Variants in LRFN2 observed in about 807,000 individuals in gnomAD.
The protein encoded by LRFN2 is leucine-rich repeat and fibronectin type-III domain-containing protein 2.
LRFN2 carries 18 observed loss-of-function variants against 37.3 expected under a neutral mutation model. The observed-to-expected ratio is 0.48, with a 90% confidence interval of 0.33 to 0.72. LRFN2 has a LOEUF of 0.72. LRFN2 is among the 30% of genes least tolerant of loss of function. The pLI, the probability that LRFN2 is intolerant of heterozygous loss-of-function variation, is 0.02. For synonymous variants in LRFN2, 556 were observed against 466.6 expected, an observed-to-expected ratio of 1.19 and a Z score of -2.47; for missense variants, 1,006 against 1,060.7, an observed-to-expected ratio of 0.95 and a Z score of 0.72.
intron 1 of LRFN2, among the ~76,000 whole-genome samples, chr6:40,508,694 A>T (rs1331583152): frequency 6.6e-6 from 1 of 152,224 alleles, no homozygotes; most frequent in Non-Finnish European, 1.5e-5. Flanking sequence ...AAAAGACTTA[A>T]TACATGTAAG....
intron 1 of LRFN2, among the ~76,000 whole-genome samples, chr6:40,474,046 T>C (rs1262301477): frequency 6.7e-6 from 1 of 149,406 alleles, no homozygotes; most frequent in Non-Finnish European, 1.5e-5. Flanking sequence ...TTAGGGTCGT[T>C]GTTTTTTTAG....
intron 1 of LRFN2, among the ~76,000 whole-genome samples, chr6:40,463,964 C>A (rs577126547): frequency 6.6e-6 from 1 of 152,312 alleles, no homozygotes; most frequent in Admixed American, 6.5e-5. Flanking sequence ...CTCCTTTCCA[C>A]CTTGAACAAT....
At chr6:40,576,794 G>A (rs1053037924) in intron 1 of LRFN2, among the ~76,000 whole-genome samples, 34 of 152,080 alleles carry the variant, frequency 2.2e-4, no homozygotes, top group Non-Finnish European at 3.7e-4. Flanking sequence ...CAGTGGCTGG[G>A]AGGCCTGGGC....
chr6:40,551,779 C>T (rs1021371691), intron 1 of LRFN2, among the ~76,000 whole-genome samples: 3 of 152,182 alleles, frequency 2.0e-5, no homozygotes, highest in South Asian at 2.1e-4. Flanking sequence ...GAAGAATTCA[C>T]TGAACATTCT....
intron 2 of LRFN2, among the ~76,000 whole-genome samples, chr6:40,424,706 T>C (rs1763309168): frequency 6.6e-6 from 1 of 152,184 alleles, no homozygotes; most frequent in Non-Finnish European, 1.5e-5. Flanking sequence ...TTCCTCTGCC[T>C]GTGGGGACTC....
intron 2 of LRFN2, among the ~76,000 whole-genome samples, chr6:40,426,455 A>G (rs1763355440): frequency 6.6e-6 from 1 of 152,208 alleles, no homozygotes; most frequent in African/African-American, 2.4e-5. Context: ...ACTTTGGACC[A>G]GGACTTACCA....
chr6:40,489,457 G>A (rs1356296311), intron 1 of LRFN2, among the ~76,000 whole-genome samples: 1 of 152,286 alleles, frequency 6.6e-6, no homozygotes, highest in East Asian at 1.9e-4. Flanking sequence ...CGGTCTCCAG[G>A]CTCTCCTCAA....
intron 1 of LRFN2, among the ~76,000 whole-genome samples, chr6:40,480,091 C>A (rs1470216328): frequency 3.9e-5 from 6 of 152,150 alleles, no homozygotes; most frequent in Admixed American, 3.9e-4. Flanking sequence ...GTATACCAGG[C>A]TTTCTTCTAA....
At chr6:40,529,868 T>C (rs1766316361) in intron 1 of LRFN2, among the ~76,000 whole-genome samples, 1 of 152,250 alleles carries the variant, frequency 6.6e-6, no homozygotes, top group Non-Finnish European at 1.5e-5. Flanking sequence ...ACTGTAAGGA[T>C]CAATAAACAG....
chr6:40,492,560 T>C (rs750097180), intron 1 of LRFN2, among the ~76,000 whole-genome samples: 2 of 152,232 alleles, frequency 1.3e-5, no homozygotes, highest in African/African-American at 2.4e-5. Flanking sequence ...TGATTATCTT[T>C]AGAGCCACTT....
intron 1 of LRFN2, among the ~76,000 whole-genome samples, chr6:40,479,848 A>G (rs1233359002): frequency 2.6e-5 from 4 of 152,218 alleles, no homozygotes; most frequent in Admixed American, 6.5e-5. Flanking sequence ...TCCAGCACGC[A>G]AGGCCCTGCC....
At chr6:40,412,959 T>C (rs1198482360) in intron 2 of LRFN2, among the ~76,000 whole-genome samples, 1 of 152,144 alleles carries the variant, frequency 6.6e-6, no homozygotes, top group Admixed American at 6.5e-5. Context: ...GGTGAACTTT[T>C]GAGGTGAGGG....
intron 2 of LRFN2, among the ~76,000 whole-genome samples, chr6:40,407,014 A>G (rs945920712): frequency 1.3e-5 from 2 of 152,184 alleles, no homozygotes; most frequent in Non-Finnish European, 2.9e-5. Flanking sequence ...TGGATTCTCT[A>G]GAAGCCACAT....
rs78326111 is a variant in LRFN2 at position 40,436,189 on chromosome 6, G to A, written c.-18-3058C>T. Among the ~76,000 whole-genome samples the A allele has an allele frequency of 1.5e-3, 229 of 152,204 alleles. 2 individuals are homozygous for A. The East Asian group carries it at 0.035, about 23-fold the overall frequency. Reference sequence around the variant, plus strand: ...TTACAAACTCTTCAAAATCTGGTGCGTATTTTACCCTCAGAGCACATTTCA... The same window carrying A: ...TTACAAACTCTTCAAAATCTGGTGCATATTTTACCCTCAGAGCACATTTCA... On this transcript the variant is annotated intron_variant, in intron 1 of 2. Coordinates refer to ENST00000338305, the MANE Select transcript of LRFN2 (RefSeq NM_020737.3).
At chr6:40,585,549 C>T (rs2113803077) in intron 1 of LRFN2, among the ~76,000 whole-genome samples, 1 of 152,284 alleles carries the variant, frequency 6.6e-6, no homozygotes, top group East Asian at 1.9e-4. Flanking sequence ...TATAAAGCTC[C>T]TGCCAGAGGG....
At chr6:40,485,281 A>G (rs1294148632) in intron 1 of LRFN2, among the ~76,000 whole-genome samples, 3 of 152,184 alleles carry the variant, frequency 2.0e-5, no homozygotes, top group African/African-American at 7.2e-5. Flanking sequence ...GGCATCGTGG[A>G]GAGAAAAAGC....
intron 1 of LRFN2, among the ~76,000 whole-genome samples, chr6:40,512,447 G>C (rs1037805332): frequency 6.6e-6 from 1 of 152,152 alleles, no homozygotes; most frequent in Non-Finnish European, 1.5e-5. Context: ...TCTAATCAAA[G>C]GCATCTTAGA....
intron 1 of LRFN2, among the ~76,000 whole-genome samples, chr6:40,456,959 A>G (rs181723691): frequency 6.6e-6 from 1 of 152,130 alleles, no homozygotes; most frequent in Admixed American, 6.5e-5. Flanking sequence ...GAACACACCA[A>G]CCACGCAGCT....
At chr6:40,493,496 G>A (rs1330682568) in intron 1 of LRFN2, among the ~76,000 whole-genome samples, 3 of 152,150 alleles carry the variant, frequency 2.0e-5, no homozygotes, top group Non-Finnish European at 4.4e-5. Context: ...CCATTTCAGG[G>A]CTTAACCTAC....
Sources: allele counts gnomAD v4.1 joint callset (sites outside exome capture counted in the v4.1 genomes callset), GRCh38; gene constraint gnomAD v4.1.1; transcripts MANE v1.5; gene names NCBI Gene and HGNC (gene_info 2026-07-23, HGNC 2026-07-21).